Variants in NEK7 observed in about 807,000 individuals in gnomAD.
The protein encoded by NEK7 is serine/threonine-protein kinase Nek7.
NEK7 carries 18 observed loss-of-function variants against 44.6 expected under a neutral mutation model. The ratio of observed to expected loss-of-function variants is 0.40; its 90% CI spans 0.28 to 0.60. The LOEUF (loss-of-function observed/expected upper bound fraction) is 0.60. NEK7 is among the 20% of genes least tolerant of loss of function. NEK7 has a pLI of 0.38. For missense variants in NEK7, 256 were observed against 366.5 expected, an observed-to-expected ratio of 0.70 and a Z score of 2.46; for synonymous variants, 130 against 121.1, an observed-to-expected ratio of 1.07 and a Z score of -0.48.
At position 198,294,221 on chromosome 1, in the gene NEK7, A is replaced by G. The variant is rs1310155173; in HGVS notation, c.684+1182A>G. Among the ~76,000 whole-genome samples, 8 of 151,950 alleles carry G rather than the reference A, an allele frequency of 5.3e-5. No homozygotes were observed. In the East Asian group the frequency reaches 1.5e-3, roughly 29 times the overall value. ...ATTCTTAAATAAACTCATACTTTGG[A>G]TAATTTTTGTTATGAAAAATTATGA... On this transcript the variant is annotated intron_variant, in intron 8 of 9. Transcript: ENST00000367385.
intron 2 of NEK7, chr1:198,245,195 GAGA>G (rs1666802224): frequency 6.2e-6 from 1 of 161,448 alleles, no homozygotes; most frequent in African/African-American, 2.9e-5. Context: ...GTAGGCAGAG[GAGA>G]AGGAGAAAGA....
chr1:198,236,869 C>T (rs1666556617), intron 2 of NEK7, among the ~76,000 whole-genome samples: 1 of 152,144 alleles, frequency 6.6e-6, no homozygotes, highest in African/African-American at 2.4e-5. Flanking sequence ...AGTTGTTAAC[C>T]TATTTCTCCG....
chr1:198,274,550 T>A (rs1339010764), intron 5 of NEK7, among the ~76,000 whole-genome samples: 3 of 151,778 alleles, frequency 2.0e-5, no homozygotes, highest in African/African-American at 7.2e-5. Flanking sequence ...AATAGTAATT[T>A]TTTTGTAAAA....
chr1:198,221,410 A>G (rs561898370), intron 1 of NEK7, among the ~76,000 whole-genome samples: 3 of 151,906 alleles, frequency 2.0e-5, no homozygotes, highest in Admixed American at 6.6e-5. Flanking sequence ...CTTTGGTTTA[A>G]CATTCTTTAA....
At chr1:198,184,785 C>T (rs1001552304) in intron 1 of NEK7, among the ~76,000 whole-genome samples, 5 of 152,198 alleles carry the variant, frequency 3.3e-5, no homozygotes, top group South Asian at 2.1e-4. Flanking sequence ...CCTCTTGCTT[C>T]GGCCTCCCAA....
At chr1:198,316,636 A>G (rs966649308) in intron 9 of NEK7, among the ~76,000 whole-genome samples, 2 of 152,118 alleles carry the variant, frequency 1.3e-5, no homozygotes, top group Non-Finnish European at 2.9e-5. Flanking sequence ...TCACTTTCAC[A>G]TTTGTTTCTT....
intron 1 of NEK7, among the ~76,000 whole-genome samples, chr1:198,189,257 A>G (rs911040514): frequency 6.6e-6 from 1 of 152,130 alleles, no homozygotes; most frequent in Non-Finnish European, 1.5e-5. Context: ...AAACGTTGTT[A>G]TTTTTGTTTA....
intron 9 of NEK7, among the ~76,000 whole-genome samples, chr1:198,310,815 C>G (rs1185294618): frequency 4.6e-5 from 7 of 151,992 alleles, no homozygotes; most frequent in East Asian, 1.9e-4. Flanking sequence ...TTTTGGACCA[C>G]TACCATGCTG....
At chr1:198,319,174 T>C (rs1436242560) in intron 9 of NEK7, among the ~76,000 whole-genome samples, 2 of 152,206 alleles carry the variant, frequency 1.3e-5, no homozygotes, top group East Asian at 1.9e-4. Flanking sequence ...AAGCCTCTGA[T>C]TGTGGAAAAT....
At chr1:198,253,522 A>G (rs1653151611) in intron 3 of NEK7, among the ~76,000 whole-genome samples, 1 of 152,144 alleles carries the variant, frequency 6.6e-6, no homozygotes, top group South Asian at 2.1e-4. Flanking sequence ...TAGGCACTGT[A>G]GTCAGAAACT....
chr1:198,258,709 A>G (rs1653356432), intron 3 of NEK7, among the ~76,000 whole-genome samples: 2 of 152,206 alleles, frequency 1.3e-5, no homozygotes, highest in Admixed American at 1.3e-4. Flanking sequence ...TTTATCAGTC[A>G]TTACTTGCCT....
At position 198,227,747 on chromosome 1, in the gene NEK7, T is replaced by C. The variant is rs1323389319; in HGVS notation, c.-28-4806T>C. ...TTTTTCTTGTAAATTTGTTTGAGTT[T>C]ATTGTAGATTCTGGATATTAGCCCT... On this transcript the variant is annotated intron_variant, in intron 1 of 9. Coordinates refer to ENST00000367385, the MANE Select transcript of NEK7 (RefSeq NM_133494.3). Among the ~76,000 whole-genome samples, 21 of 152,184 alleles carry C rather than the reference T, an allele frequency of 1.4e-4. 1 individual carries two copies. Among genetic ancestry groups the C allele is most frequent in the East Asian group, 3.9e-4 (2 of 5,184 alleles).
rs527456423 is a variant in NEK7 at position 198,228,313 on chromosome 1, T to G, written c.-28-4240T>G. ...AAGTCAGGTAGTGTGATGCCTCCAG[T>G]TTTGTTCTTTTGGCTCAGGACTGAC... On this transcript the variant is annotated intron_variant, in intron 1 of 9. Coordinates refer to ENST00000367385, the MANE Select transcript of NEK7 (RefSeq NM_133494.3). Among the ~76,000 whole-genome samples, 11 of 152,234 alleles carry G rather than the reference T, an allele frequency of 7.2e-5. 1 individual carries two copies. The South Asian group carries it at 2.1e-3, about 29-fold the overall frequency.
intron 1 of NEK7, among the ~76,000 whole-genome samples, chr1:198,223,455 A>G (rs564747687): frequency 2.0e-5 from 3 of 152,342 alleles, no homozygotes; most frequent in East Asian, 1.9e-4. Context: ...ACTTTTGAGT[A>G]TATGTCTTTT....
intron 2 of NEK7, among the ~76,000 whole-genome samples, chr1:198,237,036 T>G (rs1666559510): frequency 6.6e-6 from 1 of 152,166 alleles, no homozygotes; most frequent in Admixed American, 6.5e-5. Context: ...CTCCATCCAG[T>G]CCAGTTTTCA....
chr1:198,208,405 G>A (rs1231753734), intron 1 of NEK7: 8 of 151,496 alleles, frequency 5.3e-5, no homozygotes, highest in Admixed American at 5.3e-4. Flanking sequence ...TTTTGGGACA[G>A]GGTCTTGCCC....
intron 1 of NEK7, among the ~76,000 whole-genome samples, chr1:198,228,172 G>A (rs1558066420): frequency 1.3e-5 from 2 of 152,236 alleles, no homozygotes; most frequent in Admixed American, 6.5e-5. Flanking sequence ...AAGATCAGAT[G>A]GTTGTAGATA....
At chr1:198,252,378 A>G (rs1028618127) in intron 2 of NEK7, among the ~76,000 whole-genome samples, 4 of 151,404 alleles carry the variant, frequency 2.6e-5, no homozygotes, top group Non-Finnish European at 4.4e-5. Flanking sequence ...AGTTCTGTAG[A>G]TGTCTATTAG....
rs1305204563 is a variant in NEK7 at position 198,268,920 on chromosome 1, G to A, written c.372+4685G>A. Reference sequence around the variant, plus strand: ...TGGGATGCTCTTCTTCTCCATTCTTGGCTGACTTTATTTCTGCTGGTACTT... The same window carrying A: ...TGGGATGCTCTTCTTCTCCATTCTTAGCTGACTTTATTTCTGCTGGTACTT... On this transcript the variant is annotated intron_variant, in intron 5 of 9. Transcript: ENST00000367385. Among the ~76,000 whole-genome samples the A allele has an allele frequency of 2.6e-5, 4 of 151,928 alleles. No homozygotes were observed. The East Asian group carries it at 7.7e-4, about 29-fold the overall frequency.
Sources: gnomAD v4.1 joint callset for allele counts (sites outside exome capture counted in the v4.1 genomes callset) on GRCh38, gnomAD v4.1.1 for gene constraint, MANE v1.5 for transcripts, NCBI Gene and HGNC (gene_info 2026-07-23, HGNC 2026-07-21) for gene names.